Variants in GTF2IRD1 observed in about 807,000 individuals in gnomAD.
The protein encoded by GTF2IRD1 is general transcription factor II-I repeat domain-containing protein 1.
In GTF2IRD1, 26 loss-of-function variants were observed where a neutral mutation model predicts 113.2. The observed-to-expected ratio is 0.23, with a 90% CI of 0.17 to 0.32. The LOEUF (loss-of-function observed/expected upper bound fraction) is 0.32. Ranked by LOEUF, GTF2IRD1 falls within the 10% of genes least tolerant of loss-of-function variation. The pLI is 1.00. For synonymous variants in GTF2IRD1, 484 were observed against 529.1 expected, an observed-to-expected ratio of 0.91 and a Z score of 1.17; for missense variants, 864 against 1,280.8, an observed-to-expected ratio of 0.67 and a Z score of 4.97.
At chr7:74,457,808 A>G (rs1357669462) in intron 1 of GTF2IRD1, among the ~76,000 whole-genome samples, 2 of 151,620 alleles carry the variant, frequency 1.3e-5, no homozygotes, top group Non-Finnish European at 2.9e-5. Context: ...GAAGACCTGC[A>G]GGGCCAATTT....
At chr7:74,489,931 A>ACAG (rs782646786) in intron 1 of GTF2IRD1, among the ~76,000 whole-genome samples, 8 of 152,122 alleles carry the variant, frequency 5.3e-5, no homozygotes, top group Non-Finnish European at 4.4e-5. Context: ...GACTTGGAGG[A>ACAG]CAGCTTTTGG....
chr7:74,581,509 C>T (rs1801418594), intron 22 of GTF2IRD1, among the ~76,000 whole-genome samples: 2 of 152,214 alleles, frequency 1.3e-5, no homozygotes, highest in African/African-American at 2.4e-5. Context: ...CTCTCTGAGG[C>T]GATTCTCTGA....
At chr7:74,598,572 C>T (rs1471542337) in intron 25 of GTF2IRD1, among the ~76,000 whole-genome samples, 6 of 151,736 alleles carry the variant, frequency 4.0e-5, no homozygotes, top group Admixed American at 4.0e-4. Flanking sequence ...GCTGAGATCA[C>T]ACTACTGTAC....
At chr7:74,564,762 G>C (rs587649370) in intron 22 of GTF2IRD1, among the ~76,000 whole-genome samples, 85 of 144,320 alleles carry the variant, frequency 5.9e-4, no homozygotes, top group African/African-American at 2.0e-3. Flanking sequence ...GAGAGAGAGA[G>C]AGATAAGCCC....
intron 1 of GTF2IRD1, among the ~76,000 whole-genome samples, chr7:74,465,050 T>C (rs970821434): frequency 6.6e-6 from 1 of 152,192 alleles, no homozygotes; most frequent in Non-Finnish European, 1.5e-5. Context: ...CAAGGGGTCT[T>C]GTGACTCTCT....
chr7:74,472,303 G>A (rs1049401144), intron 1 of GTF2IRD1, among the ~76,000 whole-genome samples: 2 of 152,204 alleles, frequency 1.3e-5, no homozygotes, highest in East Asian at 1.9e-4. Context: ...GGGGTTTCCC[G>A]AGCTTCTTGG....
At chr7:74,557,782 G>A (rs1583880869) in intron 20 of GTF2IRD1, 60 bp downstream of exon 20, 3 of 1,059,494 alleles carry the variant, frequency 2.8e-6, no homozygotes, top group African/African-American at 1.6e-5. Context: ...AGAAGTGGGA[G>A]GCTTCCCAGT....
intron 1 of GTF2IRD1, among the ~76,000 whole-genome samples, chr7:74,457,003 T>A (rs1478521430): frequency 6.6e-6 from 1 of 152,114 alleles, no homozygotes; most frequent in Non-Finnish European, 1.5e-5. Context: ...TTTCTTTTTT[T>A]CTTTTTTTGA....
In GTF2IRD1 at chr7:74,497,079, T is replaced by A. The variant is rs144007497; in HGVS notation, c.-6-10996T>A. ...TGGAAGGCTGAGGTGGGAAGATGGC[T>A]TGAACCCAGGAATTTGAGGCTGCAG... On this transcript the variant is annotated intron_variant, in intron 1 of 26. Transcript: ENST00000424337. Among the ~76,000 whole-genome samples, 399 of 151,982 alleles carry A rather than the reference T, an allele frequency of 2.6e-3. 2 individuals are homozygous for A. Among genetic ancestry groups the A allele is most frequent in the African/African-American group, 8.7e-3 (361 of 41,454 alleles).
chr7:74,483,371 CTAAAAAAAAAAAAATTTTTTTTT>C (rs1554335007), intron 1 of GTF2IRD1, among the ~76,000 whole-genome samples: 1 of 149,294 alleles, frequency 6.7e-6, no homozygotes, highest in South Asian at 2.1e-4. Flanking sequence ...GGCCCCATCT[CTAAAAAAAAAAAAATTTTTTTTT>C]TAATTAGCTG....
At chr7:74,596,862 G>A (rs1470736279) in intron 25 of GTF2IRD1, among the ~76,000 whole-genome samples, 1 of 152,008 alleles carries the variant, frequency 6.6e-6, no homozygotes, top group African/African-American at 2.4e-5. Context: ...AGGCAAGATC[G>A]GGTGCATTCA....
At position 74,555,355 on chromosome 7, in the gene GTF2IRD1, C is replaced by A. The variant is rs1357059603; in HGVS notation, c.1967-83C>A. On this transcript the variant is annotated intron_variant, in intron 18 of 26. Coordinates refer to ENST00000424337, the MANE Select transcript of GTF2IRD1 (RefSeq NM_005685.4). This position sits in a 1 kb window ranked among gnomAD's most constrained non-coding sequence, Gnocchi z 5.3. ...CCCTGGCATTCTCCCCACACCCCCA[C>A]ATTGGGTTTCCCCTAACGATGCCAT... 1 of 1,498,178 alleles carries A rather than the reference C, an allele frequency of 6.7e-7. No homozygotes were observed. The highest frequency in any genetic ancestry group is 1.4e-5 in the African/African-American group (1 of 72,730). The allele number at this position is 1,498,178 out of a possible 1,614,324, so 92.8% of individuals were successfully genotyped here. A position where few individuals can be genotyped will look rare whatever the true frequency, so the allele number is the denominator to read the frequency against.
chr7:74,597,031 A>G (rs1802458911), intron 25 of GTF2IRD1, among the ~76,000 whole-genome samples: 1 of 151,638 alleles, frequency 6.6e-6, no homozygotes. Flanking sequence ...TGGATGACAG[A>G]ATGAGACCCC....
intron 22 of GTF2IRD1, among the ~76,000 whole-genome samples, chr7:74,574,933 A>G (rs1800937657): frequency 6.6e-6 from 1 of 152,166 alleles, no homozygotes; most frequent in Middle Eastern, 3.4e-3. Context: ...TACTAAAAAT[A>G]CAAAAAATTA....
chr7:74,455,234 T>A (rs575486238), intron 1 of GTF2IRD1, among the ~76,000 whole-genome samples: 1 of 152,312 alleles, frequency 6.6e-6, no homozygotes, highest in South Asian at 2.1e-4. Context: ...GGATGGAGAA[T>A]GTGCCAAGGG....
At chr7:74,465,879 C>T (rs1203601212) in intron 1 of GTF2IRD1, among the ~76,000 whole-genome samples, 1 of 152,154 alleles carries the variant, frequency 6.6e-6, no homozygotes, top group Non-Finnish European at 1.5e-5. Flanking sequence ...AAGTGAGTCT[C>T]CTGCCTCAGC....
chr7:74,494,265 T>C (rs1426532127), intron 1 of GTF2IRD1, among the ~76,000 whole-genome samples: 1 of 152,200 alleles, frequency 6.6e-6, no homozygotes, highest in Non-Finnish European at 1.5e-5. Flanking sequence ...AAGATCCCGT[T>C]TCTAAATAAA....
chr7:74,499,002 T>C (rs1471513445), intron 1 of GTF2IRD1, among the ~76,000 whole-genome samples: 3 of 152,234 alleles, frequency 2.0e-5, no homozygotes, highest in African/African-American at 7.2e-5. Context: ...AGTGCTGGGA[T>C]TACAGGCATG....
chr7:74,476,743 G>A (rs1483733743), intron 1 of GTF2IRD1, among the ~76,000 whole-genome samples: 1 of 152,102 alleles, frequency 6.6e-6, no homozygotes, highest in Non-Finnish European at 1.5e-5. Flanking sequence ...CTCCTGGGCC[G>A]ATGCCAGCCA....
Sources: allele counts gnomAD v4.1 joint callset (sites outside exome capture counted in the v4.1 genomes callset), GRCh38; gene constraint gnomAD v4.1.1; non-coding constraint Gnocchi (gnomAD v3.1); transcripts MANE v1.5; gene names NCBI Gene and HGNC (gene_info 2026-07-23, HGNC 2026-07-21).